The following SETX variants were observed in gnomAD, a reference collection of about 807,000 sequenced individuals.
SETX encodes the protein senataxin.
In SETX, 90 loss-of-function variants were observed where a neutral mutation model predicts 227.2. The observed-to-expected ratio is 0.40, with a 90% CI of 0.33 to 0.47. The LOEUF is 0.47. Ranked by LOEUF, SETX falls within the 20% of genes least tolerant of loss-of-function variation. SETX has a pLI of 0.91. For missense variants in SETX, 3,052 were observed against 3,181.5 expected, an observed-to-expected ratio of 0.96 and a Z score of 0.98; for synonymous variants, 1,210 against 1,113.2, an observed-to-expected ratio of 1.09 and a Z score of -1.73.
In SETX at chr9:132,328,806, G is replaced by A. The variant is rs1299199536; in HGVS notation, c.2792C>T (p.Thr931Ile). ...TGTCAAGTTAGAATAAATCACACTG[G>A]TACTATTACTCATCTCCTCATCTCT... ...ESRDEEMSNS[T>I]SVIYSNLTRE... The change falls in exon 10 of 26, where the codon ACC (threonine) becomes ATC (isoleucine). Residue 931 changes from threonine to isoleucine, a missense_variant. Transcript: ENST00000224140. 1 of 1,612,016 alleles carries A rather than the reference G, an allele frequency of 6.2e-7. No homozygotes were observed. Among genetic ancestry groups the A allele is most frequent in the Non-Finnish European group, 8.5e-7 (1 of 1,179,274 alleles).
intron 20 of SETX, 121 bp from the exon 21 acceptor site, chr9:132,278,378 C>G: frequency 4.7e-6 from 4 of 848,518 alleles, no homozygotes; most frequent in Non-Finnish European, 7.6e-6. Context: ...ATAAGATTAC[C>G]AACCACAGCT....
Position 132,328,694 on chromosome 9 carries a change from T to C in SETX, c.2904A>G (p.Leu968=). Residue 968 remains leucine, a synonymous_variant, in exon 10 of 26, where the codon CTA becomes CTG. Transcript: ENST00000224140. ...IDRDLHKLSL[L]AQASVITFPS... ...GGAACGTAATAACACTGGCTTGAGC[T>C]AGTAAAGATAATTTGTGAAGGTCTC... 1 of 1,613,848 alleles carries C rather than the reference T, an allele frequency of 6.2e-7. No homozygotes were observed. The highest frequency in any genetic ancestry group is 8.5e-7 in the Non-Finnish European group (1 of 1,179,870).
At position 132,296,941 on chromosome 9, in the gene SETX, A is replaced by C. The variant is rs1197473954; in HGVS notation, c.5895T>G (p.Pro1965=). ...VAKICLIHGP[P]GTGKSKTIVG... Reference sequence around the variant, plus strand: ...CAATAGTTTTTGATTTTCCTGTTCCAGGTGGTCCATGAATCAAGCAGATTT... The same window carrying C: ...CAATAGTTTTTGATTTTCCTGTTCCCGGTGGTCCATGAATCAAGCAGATTT... The change falls in exon 14 of 26, where the codon CCT becomes CCG. Residue 1965 remains proline, a synonymous_variant. Transcript: ENST00000224140. 8 of 1,614,180 alleles carry C rather than the reference A, an allele frequency of 5.0e-6. No individual in the cohort carries two copies. The highest frequency in any genetic ancestry group is 5.9e-6 in the Non-Finnish European group (7 of 1,180,032).
rs1848046321 is a variant in SETX at position 132,342,630 on chromosome 9, T to C, written c.498+60A>G. On this transcript the variant is annotated intron_variant, in intron 5 of 25. Coordinates refer to ENST00000224140, the MANE Select transcript of SETX (RefSeq NM_015046.7). ...AAATCCACACCAAAAACCGCTATTA[T>C]AGCTATCTATAGGTACAAAAGCACA... The C allele has an allele frequency of 4.4e-6, 5 of 1,149,296 alleles. No homozygotes were observed. In the East Asian group the frequency reaches 9.4e-5, roughly 22 times the overall value. The allele number at this position is 1,149,296 out of a possible 1,614,324, so 71.2% of individuals were successfully genotyped here. A position where few individuals can be genotyped will look rare whatever the true frequency, so the allele number is the denominator to read the frequency against.
intron 5 of SETX, among the ~76,000 whole-genome samples, chr9:132,339,855 T>A (rs1847853194): frequency 1.3e-5 from 2 of 152,258 alleles, no homozygotes; most frequent in Middle Eastern, 3.4e-3. Context: ...CCTCAGGTGA[T>A]CCGCCCACCT....
Position 132,325,213 on chromosome 9 carries a change from G to A in SETX, c.5274+1111C>T, listed in dbSNP as rs562108744. Among the ~76,000 whole-genome samples the A allele has an allele frequency of 3.9e-5, 6 of 152,172 alleles. No homozygotes were observed. In the East Asian group the frequency reaches 5.8e-4, roughly 15 times the overall value. On this transcript the variant is annotated intron_variant, in intron 10 of 25. Transcript: ENST00000224140. The stretch of plus-strand genomic sequence containing the variant: ...CTACTAAAAATACAAAAAATTAGCC[G>A]GCCGTGGTGGCGAGAGCCTATAGTC...
intron 25 of SETX, chr9:132,269,383 A>C: frequency 1.3e-6 from 2 of 1,504,170 alleles, no homozygotes; most frequent in Non-Finnish European, 1.8e-6. Context: ...GATGTGGATA[A>C]TTTGTTTTAA....
At position 132,333,416 on chromosome 9, in the gene SETX, TACACAC is replaced by T. The variant is rs764524464; in HGVS notation, c.838+1186_838+1191del. The stretch of plus-strand genomic sequence containing the variant: ...AAAAAAAGAAAAAAAAAAATATATA[TACACAC>T]ACACACACACACACACACACACACA... On this transcript the variant is annotated intron_variant, in intron 7 of 25. Coordinates refer to ENST00000224140, the MANE Select transcript of SETX (RefSeq NM_015046.7). Among the ~76,000 whole-genome samples, 248 of 88,066 alleles carry T rather than the reference TACACAC, an allele frequency of 2.8e-3. 6 individuals carry two copies. Among genetic ancestry groups the T allele is most frequent in the African/African-American group, 4.4e-3 (85 of 19,302 alleles). 57.8% of individuals were successfully genotyped at this position (88,066 alleles called of 152,430 possible).
intron 16 of SETX, 64 bp downstream of exon 16, chr9:132,288,486 C>T (rs565532659): frequency 6.8e-7 from 1 of 1,464,982 alleles, no homozygotes; most frequent in East Asian, 2.3e-5. Context: ...ACCTTTAGTG[C>T]CCAAGTCATT....
At chr9:132,317,734 A>G (rs931187083) in intron 10 of SETX, among the ~76,000 whole-genome samples, 6 of 151,840 alleles carry the variant, frequency 4.0e-5, no homozygotes, top group Non-Finnish European at 8.8e-5. Context: ...AAATGCTGGT[A>G]TTACAGGCAT....
At chr9:132,281,711 C>T (rs2131201911) in intron 19 of SETX, 137 bp from the exon 20 acceptor site, 4 of 728,836 alleles carry the variant, frequency 5.5e-6, no homozygotes, top group Middle Eastern at 3.7e-4. Context: ...ACAAATTTTC[C>T]CTGAAAACAA....
Position 132,344,511 on chromosome 9 carries a change from A to G in SETX, c.389-1712T>C, listed in dbSNP as rs551353621. ...ATGTGTGGTCCCTGACTAGATTCTAATTTAAGCAAATCAGCCAAAAACACA... is the reference window on the plus strand; with the variant it reads ...ATGTGTGGTCCCTGACTAGATTCTAGTTTAAGCAAATCAGCCAAAAACACA... On this transcript the variant is annotated intron_variant, in intron 4 of 25. Transcript: ENST00000224140. 3.3e-5 allele frequency among the ~76,000 whole-genome samples: 5 copies of G among 152,328 alleles called. No homozygotes were observed. The South Asian group carries it at 8.3e-4, about 25-fold the overall frequency.
chr9:132,272,687 C>T (rs766722437), intron 23 of SETX, among the ~76,000 whole-genome samples: 25 of 152,206 alleles, frequency 1.6e-4, no homozygotes, highest in Non-Finnish European at 2.9e-4. Context: ...CACTAATACA[C>T]TTCCTGTCTC....
chr9:132,325,640 T>C (rs1268946350), intron 10 of SETX, among the ~76,000 whole-genome samples: 5 of 151,688 alleles, frequency 3.3e-5, no homozygotes, highest in African/African-American at 9.7e-5. Context: ...AGGAGCAGAG[T>C]TTCCAGCCAG....
intron 10 of SETX, among the ~76,000 whole-genome samples, chr9:132,322,184 A>C (rs1435357804): frequency 1.3e-5 from 2 of 152,186 alleles, no homozygotes; most frequent in South Asian, 2.1e-4. Context: ...TTGCTAATCA[A>C]ATTTATTCTC....
At chr9:132,353,182 G>A (rs1765523882) in intron 2 of SETX, among the ~76,000 whole-genome samples, 1 of 151,994 alleles carries the variant, frequency 6.6e-6, no homozygotes, top group Non-Finnish European at 1.5e-5. Context: ...CACACACAAG[G>A]CCCGCGATGA....
intron 20 of SETX, among the ~76,000 whole-genome samples, chr9:132,280,487 G>C (rs1843437338): frequency 6.6e-6 from 1 of 152,104 alleles, no homozygotes; most frequent in South Asian, 2.1e-4. Context: ...TACACACACG[G>C]GTTTTCACTG....
intron 24 of SETX, among the ~76,000 whole-genome samples, chr9:132,271,100 C>T (rs1428249760): frequency 6.6e-6 from 1 of 152,172 alleles, no homozygotes; most frequent in Non-Finnish European, 1.5e-5. Flanking sequence ...CTTAAATAAA[C>T]TGACAGTAGT....
At chr9:132,279,199 A>C (rs1843354859) in intron 20 of SETX, among the ~76,000 whole-genome samples, 2 of 152,166 alleles carry the variant, frequency 1.3e-5, no homozygotes, top group Non-Finnish European at 2.9e-5. Flanking sequence ...AAGTGGGATA[A>C]ACTGTCTTGA....
Sources: allele counts gnomAD v4.1 joint callset (sites outside exome capture counted in the v4.1 genomes callset), GRCh38; gene constraint gnomAD v4.1.1; transcripts MANE v1.5; gene names NCBI Gene and HGNC (gene_info 2026-07-23, HGNC 2026-07-21).